KMT2E: variants seen among roughly 807,000 people sequenced by gnomAD.
KMT2E encodes the protein histone reader KMT2E.
KMT2E carries 30 observed loss-of-function variants against 184.6 expected under a neutral mutation model. That is an observed-to-expected ratio of 0.16 (90% CI 0.12 to 0.22). The LOEUF (loss-of-function observed/expected upper bound fraction) is 0.22. Ranked by LOEUF, KMT2E falls within the 10% of genes least tolerant of loss-of-function variation. KMT2E has a pLI of 1.00. For synonymous variants in KMT2E, 815 were observed against 776.5 expected (o/e 1.05, Z -0.82); for missense variants, 2,023 against 2,237.4 (o/e 0.90, Z 1.93).
chr7:105,070,579 A>G (rs919492149), intron 6 of KMT2E, among the ~76,000 whole-genome samples: 3 of 142,310 alleles, frequency 2.1e-5, no homozygotes, highest in African/African-American at 8.0e-5. Context: ...GGTTGCAGTG[A>G]GCTGAGATCA....
intron 1 of KMT2E, among the ~76,000 whole-genome samples, chr7:105,033,859 C>A (rs1795526176): frequency 1.3e-5 from 2 of 152,102 alleles, no homozygotes; most frequent in East Asian, 3.9e-4. Flanking sequence ...GGTGGCATCA[C>A]AACATGGAGG....
Position 105,110,291 on chromosome 7 carries a change from C to T in KMT2E, c.3767C>T (p.Thr1256Ile). 1 of 1,613,980 alleles carries T rather than the reference C, an allele frequency of 6.2e-7. No homozygotes were observed. The highest frequency in any genetic ancestry group is 8.5e-7 in the Non-Finnish European group (1 of 1,179,866). The change falls in exon 24 of 27, where the codon ACT becomes ATT. Residue 1256 changes from threonine to isoleucine, a missense_variant. Around this residue, in one of 8 missense-constraint regions of KMT2E, gnomAD observed 1,108 missense variants for 1,050.9 expected, o/e 1.05. Transcript: ENST00000311117. ...NEPEVQWTASTSVEQVRERSY... is the reference protein window; with the variant it reads ...NEPEVQWTASISVEQVRERSY... ...TTTTTCTTTGAAAGGACTGCCTCAA[C>T]TTCAGTGGAACAAGTCAGAGAAAGG...
rs115440289 is a variant in KMT2E at position 105,051,519 on chromosome 7, G to C, written c.71+10496G>C. Among the ~76,000 whole-genome samples, 238 of 152,232 alleles carry C rather than the reference G, an allele frequency of 1.6e-3. 2 individuals carry two copies. The highest frequency in any genetic ancestry group is 5.4e-3 in the African/African-American group (225 of 41,536). On this transcript the variant is annotated intron_variant, in intron 3 of 26. Coordinates refer to ENST00000311117, the MANE Select transcript of KMT2E (RefSeq NM_182931.3). Reference sequence around the variant, plus strand: ...CTTTAAATGGCTACATCTCTATCCAGTTGCTTAAAACTCTAAGCTGTCAGT... The same window carrying C: ...CTTTAAATGGCTACATCTCTATCCACTTGCTTAAAACTCTAAGCTGTCAGT...
chr7:105,084,918 G>A (rs1797900794), intron 13 of KMT2E, among the ~76,000 whole-genome samples: 1 of 152,070 alleles, frequency 6.6e-6, no homozygotes, highest in African/African-American at 2.4e-5. Context: ...ACCATGTAAG[G>A]TCTGTATGTG....
At position 105,113,511 on chromosome 7, in the gene KMT2E, T is replaced by A; in HGVS notation, c.*178T>A. On this transcript the variant is annotated 3_prime_UTR_variant, in exon 27 of 27. Coordinates refer to ENST00000311117, the MANE Select transcript of KMT2E (RefSeq NM_182931.3). ...AAAATTCCTTTAAAAAATGTGCTGT[T>A]AAGCCAGTATTAGGTATCTTTATTT... is the stretch of plus-strand genomic sequence containing the variant. The A allele has an allele frequency of 3.0e-6, 2 of 658,892 alleles. No individual in the cohort carries two copies. The highest frequency in any genetic ancestry group is 4.9e-6 in the Non-Finnish European group (2 of 410,610). 40.8% of individuals were successfully genotyped at this position (658,892 alleles called of 1,614,324 possible). A position where few individuals can be genotyped will look rare whatever the true frequency, so the allele number is the denominator to read the frequency against.
In KMT2E at chr7:105,113,287, T is replaced by C. The variant is rs201518949; in HGVS notation, c.5531T>C (p.Val1844Ala). Residue 1844 changes from valine to alanine, a missense_variant, in exon 27 of 27, where the codon GTG (valine) becomes GCG (alanine). Transcript: ENST00000311117. Reference protein sequence around the residue: ...PGQIPIHRAQVPPTFQNNYHG... With the variant: ...PGQIPIHRAQAPPTFQNNYHG... ...CAGATTCCAATTCACAGAGCACAGG[T>C]GCCACCAACATTTCAAAACAATTAC... is the stretch of plus-strand genomic sequence containing the variant. The C allele has an allele frequency of 1.9e-6, 3 of 1,613,664 alleles. No individual in the cohort carries two copies. Among genetic ancestry groups the C allele is most frequent in the African/African-American group, 2.7e-5 (2 of 75,050 alleles).
chr7:105,094,473 C>G (rs961755005), intron 15 of KMT2E, among the ~76,000 whole-genome samples: 2 of 152,156 alleles, frequency 1.3e-5, no homozygotes, highest in South Asian at 4.1e-4. Flanking sequence ...ATTGCACTTA[C>G]CAGTTGAACA....
chr7:105,041,113 A>G (rs1237810979), intron 3 of KMT2E, 90 bp downstream of exon 3: 3 of 745,064 alleles, frequency 4.0e-6, no homozygotes, highest in Non-Finnish European at 6.2e-6. Context: ...GGAAAATATT[A>G]AATTTCTTCT....
In KMT2E at chr7:105,114,185, G is replaced by A. The variant is rs1400719749; in HGVS notation, c.*852G>A. 1 of 152,142 alleles carries A rather than the reference G, an allele frequency of 6.6e-6. No individual in the cohort carries two copies. The highest frequency in any genetic ancestry group is 1.5e-5 in the Non-Finnish European group (1 of 68,012). The allele number at this position is 152,142 out of a possible 1,614,324, so 9.4% of individuals were successfully genotyped here. On this transcript the variant is annotated 3_prime_UTR_variant, in exon 27 of 27. Coordinates refer to ENST00000311117, the MANE Select transcript of KMT2E (RefSeq NM_182931.3). ...TGTAAGGAGCCTTCAATTTTCTTTAGCGACTACTACCTCAGCAACAGGAGG... is the reference window on the plus strand; with the variant it reads ...TGTAAGGAGCCTTCAATTTTCTTTAACGACTACTACCTCAGCAACAGGAGG...
Position 105,106,747 on chromosome 7 carries a change from C to T in KMT2E, c.2822C>T (p.Thr941Ile), listed in dbSNP as rs759296282. 12 of 1,612,632 alleles carry T rather than the reference C, an allele frequency of 7.4e-6. No homozygotes were observed. Among genetic ancestry groups the T allele is most frequent in the African/African-American group, 4.0e-5 (3 of 74,830 alleles). Residue 941 changes from threonine (T) to isoleucine (I), a missense_variant, in exon 20 of 27, where the codon ACA becomes ATA. Thr to Ile is a moderately conservative substitution (Grantham distance 89). Coordinates refer to ENST00000311117, the MANE Select transcript of KMT2E (RefSeq NM_182931.3). ...CCAGTTACCCCAGTAACTCCTGGTA[C>T]ACCAGGAAATACCATGCACTTTGAG... Reference protein sequence around the residue: ...YSPVTPVTPGTPGNTMHFENI... With the variant: ...YSPVTPVTPGIPGNTMHFENI...
intron 12 of KMT2E, among the ~76,000 whole-genome samples, 198 bp from the exon 13 acceptor site, chr7:105,081,490 A>G (rs1253993277): frequency 1.3e-5 from 2 of 151,844 alleles, no homozygotes; most frequent in East Asian, 3.9e-4. Context: ...TTGGGGTGGC[A>G]GTGGATAGCA....
intron 13 of KMT2E, among the ~76,000 whole-genome samples, chr7:105,083,315 C>T (rs1266875076): frequency 6.6e-6 from 1 of 152,118 alleles, no homozygotes; most frequent in Non-Finnish European, 1.5e-5. Flanking sequence ...GCCTTAAAGG[C>T]CATTATCACT....
Position 105,077,358 on chromosome 7 carries a change from A to G in KMT2E, c.1055A>G (p.Asp352Gly), listed in dbSNP as rs1227855522. ...ILKSAKDLPP[D>G]ALIIEYRGKF... Reference sequence around the variant, plus strand: ...AAATCTGCAAAAGATTTGCCTCCTGATGCACTTATCATTGAATACAGAGGG... The same window carrying G: ...AAATCTGCAAAAGATTTGCCTCCTGGTGCACTTATCATTGAATACAGAGGG... The change falls in exon 11 of 27, where the codon GAT becomes GGT. Residue 352 changes from aspartate to glycine, a missense_variant. By Grantham distance (94) the Asp-to-Gly change is moderately conservative. Around this residue, in one of 8 missense-constraint regions of KMT2E, gnomAD observed 191 missense variants for 209.0 expected, o/e 0.91. Coordinates refer to ENST00000311117, the MANE Select transcript of KMT2E (RefSeq NM_182931.3). 2.5e-6 allele frequency: 4 copies of G among 1,610,686 alleles called. No homozygotes were observed. The highest frequency in any genetic ancestry group is 1.1e-5 in the South Asian group (1 of 90,968).
intron 6 of KMT2E, among the ~76,000 whole-genome samples, chr7:105,070,547 T>C (rs1797239552): frequency 1.4e-5 from 2 of 147,072 alleles, no homozygotes; most frequent in Non-Finnish European, 3.0e-5. Context: ...GGCATGAGAA[T>C]TGCTTGAACC....
intron 12 of KMT2E, among the ~76,000 whole-genome samples, chr7:105,080,124 G>A (rs1270652943): frequency 6.6e-6 from 1 of 152,104 alleles, no homozygotes; most frequent in Non-Finnish European, 1.5e-5. Flanking sequence ...TAGGATTACA[G>A]GCATGAGCCA....
intron 1 of KMT2E, among the ~76,000 whole-genome samples, chr7:105,017,402 T>G (rs535585752): frequency 1.1e-4 from 17 of 151,766 alleles, no homozygotes; most frequent in Non-Finnish European, 2.1e-4. Flanking sequence ...TTCTTTTTGG[T>G]GGTGGTGGTG....
Position 105,108,934 on chromosome 7 carries a change from T to TG in KMT2E, c.3469-7dup. ...AAGATTTGCTTTTTCTCATCTTTCT[T>TG]GCTTAAGGTTTCTCTATTAGAATAC... On this transcript the variant is annotated splice_region_variant and splice_polypyrimidine_tract_variant and intron_variant, in intron 22 of 26. Transcript: ENST00000311117. 1 of 1,585,162 alleles carries TG rather than the reference T, an allele frequency of 6.3e-7. No individual in the cohort carries two copies.
At position 105,091,262 on chromosome 7, in the gene KMT2E, A is replaced by G. The variant is rs1270097257; in HGVS notation, c.1670A>G (p.Asn557Ser). 3.1e-6 allele frequency: 5 copies of G among 1,605,682 alleles called. No individual in the cohort carries two copies. Among genetic ancestry groups the G allele is most frequent in the Non-Finnish European group, 4.3e-6 (5 of 1,172,680 alleles). ...DDIEEKTPIS[N>S]EVEMESEEQI... ...ATAGAAGAAAAAACTCCTATTAGTA[A>G]TGAAGTAGAAATGGAATCAGAGGAG... is the stretch of plus-strand genomic sequence containing the variant. The change falls in exon 15 of 27, where the codon AAT (asparagine) becomes AGT (serine). Residue 557 changes from asparagine (N) to serine (S), a missense_variant. Coordinates refer to ENST00000311117, the MANE Select transcript of KMT2E (RefSeq NM_182931.3).
At chr7:105,105,377 G>T in intron 17 of KMT2E, 62 bp from the exon 18 acceptor site, 1 of 1,254,520 alleles carries the variant, frequency 8.0e-7, no homozygotes, top group Non-Finnish European at 1.1e-6. Context: ...TCTGGTATTA[G>T]AATATTCAAG....
Sources: gnomAD v4.1 joint callset for allele counts (sites outside exome capture counted in the v4.1 genomes callset) on GRCh38, gnomAD v4.1.1 for gene constraint, gnomAD v4.1.1 regional missense constraint, MANE v1.5 for transcripts, NCBI Gene and HGNC (gene_info 2026-07-23, HGNC 2026-07-21) for gene names.